Variants in PTPN4 observed in about 807,000 individuals in gnomAD.
PTPN4 encodes the protein tyrosine-protein phosphatase non-receptor type 4.
PTPN4 carries 49 observed loss-of-function variants against 135.5 expected under a neutral mutation model. The observed-to-expected ratio is 0.36, with a 90% CI of 0.29 to 0.46. The LOEUF (loss-of-function observed/expected upper bound fraction) is 0.46. PTPN4 is among the 20% of genes least tolerant of loss of function. The probability of loss-of-function intolerance (pLI) is 1.00; values close to 1 mark genes in which losing one functional copy is unlikely to be tolerated. For synonymous variants in PTPN4, 333 were observed against 369.9 expected, an observed-to-expected ratio of 0.90 and a Z score of 1.14; for missense variants, 860 against 1,101.0, an observed-to-expected ratio of 0.78 and a Z score of 3.10.
At chr2:119,795,091 G>A (rs966536711) in intron 1 of PTPN4, among the ~76,000 whole-genome samples, 1 of 152,160 alleles carries the variant, frequency 6.6e-6, no homozygotes, top group African/African-American at 2.4e-5. Flanking sequence ...AGGAGACCCT[G>A]AGGTGGGCAG....
intron 1 of PTPN4, among the ~76,000 whole-genome samples, chr2:119,792,080 C>A (rs1315817952): frequency 6.6e-6 from 1 of 152,102 alleles, no homozygotes; most frequent in African/African-American, 2.4e-5. Flanking sequence ...CTGTTCGAAT[C>A]TGCTGTTGCG....
chr2:119,852,000 G>C (rs758109238), intron 2 of PTPN4, among the ~76,000 whole-genome samples: 9 of 152,156 alleles, frequency 5.9e-5, no homozygotes, highest in Non-Finnish European at 1.0e-4. Context: ...GTGAATTTTA[G>C]TAGGTTTTGG....
intron 2 of PTPN4, among the ~76,000 whole-genome samples, chr2:119,813,262 T>A (rs1676928563): frequency 6.6e-6 from 1 of 151,716 alleles, no homozygotes; most frequent in Admixed American, 6.6e-5. Flanking sequence ...CTTTTTTTTT[T>A]TTGAGACGGA....
chr2:119,777,002 C>CTT (rs1470944604), intron 1 of PTPN4, among the ~76,000 whole-genome samples: 1 of 152,154 alleles, frequency 6.6e-6, no homozygotes, highest in Admixed American at 6.5e-5. Context: ...GCTCAAAATC[C>CTT]TTTAACGGCT....
rs70949378 is a variant in PTPN4 at position 119,973,655 on chromosome 2, G to GTTTTTTTTTT, written c.2695-3311_2695-3302dup. 2.8e-3 allele frequency among the ~76,000 whole-genome samples: 107 copies of GTTTTTTTTTT among 38,374 alleles called. 22 individuals carry two copies. The highest frequency in any genetic ancestry group is 1.0e-2 in the African/African-American group (79 of 7,934). 25.2% of individuals were successfully genotyped at this position (38,374 alleles called of 152,430 possible). A position where few individuals can be genotyped will look rare whatever the true frequency, so the allele number is the denominator to read the frequency against. ...TTGAAAGCTTCCTCCTTCATTTCTT[G>GTTTTTTTTTT]TTTTTTTTTTTTTTTTTTTTTTTTT... is the stretch of plus-strand genomic sequence containing the variant. On this transcript the variant is annotated intron_variant, in intron 26 of 26. Coordinates refer to ENST00000263708, the MANE Select transcript of PTPN4 (RefSeq NM_002830.4).
At chr2:119,906,102 A>G (rs1485959376) in intron 10 of PTPN4, among the ~76,000 whole-genome samples, 1 of 152,224 alleles carries the variant, frequency 6.6e-6, no homozygotes, top group African/African-American at 2.4e-5. Flanking sequence ...AAAAAGCAAT[A>G]AAGATCAGAG....
chr2:119,933,914 GA>G (rs1249792429), intron 14 of PTPN4, among the ~76,000 whole-genome samples: 1 of 152,060 alleles, frequency 6.6e-6, no homozygotes, highest in African/African-American at 2.4e-5. Flanking sequence ...CTTGTCTGAA[GA>G]AAATTCAGAC....
intron 2 of PTPN4, among the ~76,000 whole-genome samples, chr2:119,853,878 G>A (rs374629356): frequency 9.9e-5 from 15 of 152,168 alleles, no homozygotes; most frequent in African/African-American, 3.1e-4. Flanking sequence ...GTCTCAGACC[G>A]ATTAGATAAA....
Position 119,862,538 on chromosome 2 carries a change from A to T in PTPN4, c.141A>T (p.Lys47Asn), listed in dbSNP as rs767649368. ...TCAATTTTTTTTTTTTTTTACAGAAACATGATCAGGGGCAAGTCTTGTTGG... is the reference window on the plus strand; with the variant it reads ...TCAATTTTTTTTTTTTTTTACAGAATCATGATCAGGGGCAAGTCTTGTTGG... ...DNTVQAFKVNKHDQGQVLLDV... is the reference protein window; with the variant it reads ...DNTVQAFKVNNHDQGQVLLDV... The change falls in exon 3 of 27, where the codon AAA becomes AAT. Residue 47 changes from lysine to asparagine, a missense_variant and splice_region_variant. Physicochemically the swap from Lys to Asn is moderately conservative, Grantham distance 94. Transcript: ENST00000263708. The T allele has an allele frequency of 6.9e-6, 11 of 1,602,878 alleles. No homozygotes were observed. The highest frequency in any genetic ancestry group is 8.5e-6 in the Non-Finnish European group (10 of 1,175,962).
chr2:119,965,366 C>A lies in PTPN4; in HGVS notation c.2410-131C>A, dbSNP rs1679431577. ...AGAGCAGCTGACCTAGTGATCAATGCTAAGTGTGCTGCAAGCTGTGTTTAG... is the reference window on the plus strand; with the variant it reads ...AGAGCAGCTGACCTAGTGATCAATGATAAGTGTGCTGCAAGCTGTGTTTAG... On this transcript the variant is annotated intron_variant, in intron 24 of 26. Coordinates refer to ENST00000263708, the MANE Select transcript of PTPN4 (RefSeq NM_002830.4). The A allele has an allele frequency of 1.8e-5, 16 of 879,476 alleles. No homozygotes were observed. The South Asian group carries it at 2.4e-4, about 13-fold the overall frequency. 54.5% of individuals were successfully genotyped at this position (879,476 alleles called of 1,614,324 possible).
chr2:119,900,836 T>TA (rs1210092077), intron 10 of PTPN4, 30 bp downstream of exon 10: 1 of 1,256,212 alleles, frequency 8.0e-7, no homozygotes, highest in East Asian at 2.4e-5. Flanking sequence ...CTTTTATGTT[T>TA]ACCACTGTAT....
chr2:119,786,146 C>T (rs1057256006), intron 1 of PTPN4, among the ~76,000 whole-genome samples: 16 of 152,090 alleles, frequency 1.1e-4, no homozygotes, highest in African/African-American at 3.6e-4. Flanking sequence ...GGGTACCAGT[C>T]CCTGGCCTAT....
chr2:119,936,551 C>T (rs763986957), intron 15 of PTPN4, among the ~76,000 whole-genome samples: 5 of 152,120 alleles, frequency 3.3e-5, no homozygotes, highest in African/African-American at 7.2e-5. Flanking sequence ...TCTCTCCTGC[C>T]GCCCTGTGAA....
At chr2:119,974,084 A>G (rs1197851397) in intron 26 of PTPN4, among the ~76,000 whole-genome samples, 1 of 152,232 alleles carries the variant, frequency 6.6e-6, no homozygotes, top group Non-Finnish European at 1.5e-5. Flanking sequence ...AGCTTTCAAT[A>G]TAATGAATCA....
chr2:119,780,949 T>A (rs1461330682), intron 1 of PTPN4, among the ~76,000 whole-genome samples: 2 of 152,200 alleles, frequency 1.3e-5, no homozygotes, highest in Non-Finnish European at 2.9e-5. Flanking sequence ...TATTTATCAT[T>A]AGATATTATT....
chr2:119,765,987 T>G (rs1338978357), intron 1 of PTPN4, among the ~76,000 whole-genome samples: 1 of 151,920 alleles, frequency 6.6e-6, no homozygotes, highest in African/African-American at 2.4e-5. Context: ...GTGAGGGTCC[T>G]TGTGTTTGGG....
chr2:119,900,716 A>G lies in PTPN4; in HGVS notation c.676-2A>G. On this transcript the variant is annotated splice_acceptor_variant, in intron 9 of 26. Transcript: ENST00000263708. LOFTEE classifies it high-confidence loss of function. ...TCATGTTTTTATTCATTTTTTTTGAAGGATCAGAGTAACAATGAAATTATG... is the reference window on the plus strand; with the variant it reads ...TCATGTTTTTATTCATTTTTTTTGAGGGATCAGAGTAACAATGAAATTATG... The G allele has an allele frequency of 1.3e-6, 2 of 1,526,462 alleles. No homozygotes were observed. Among genetic ancestry groups the G allele is most frequent in the South Asian group, 1.3e-5 (1 of 79,234 alleles). 94.6% of individuals were successfully genotyped at this position (1,526,462 alleles called of 1,614,324 possible). A position where few individuals can be genotyped will look rare whatever the true frequency, so the allele number is the denominator to read the frequency against.
At chr2:119,857,237 A>G (rs556939391) in intron 2 of PTPN4, among the ~76,000 whole-genome samples, 4 of 152,002 alleles carry the variant, frequency 2.6e-5, no homozygotes, top group Non-Finnish European at 5.9e-5. Context: ...CTTTTCTATT[A>G]GAAAAGAAAA....
In PTPN4 at chr2:119,983,809, T is replaced by C. The variant is rs575470370; in HGVS notation, c.*6739T>C. 6.2e-4 allele frequency: 95 copies of C among 152,296 alleles called. No individual in the cohort carries two copies. Among genetic ancestry groups the C allele is most frequent in the African/African-American group, 2.2e-3 (91 of 41,570 alleles). The allele number at this position is 152,296 out of a possible 1,614,324, so 9.4% of individuals were successfully genotyped here. A position where few individuals can be genotyped will look rare whatever the true frequency, so the allele number is the denominator to read the frequency against. ...ACAATAAAGGATAACCAGTTGACTGTGTTACTGGACTCTGAGTTCTCACAG... is the reference window on the plus strand; with the variant it reads ...ACAATAAAGGATAACCAGTTGACTGCGTTACTGGACTCTGAGTTCTCACAG... On this transcript the variant is annotated 3_prime_UTR_variant, in exon 27 of 27. Transcript: ENST00000263708.
Sources: allele counts gnomAD v4.1 joint callset (sites outside exome capture counted in the v4.1 genomes callset), GRCh38; gene constraint gnomAD v4.1.1; transcripts MANE v1.5; gene names NCBI Gene and HGNC (gene_info 2026-07-23, HGNC 2026-07-21).